NKAIN3: variants seen among roughly 807,000 people sequenced by gnomAD.
NKAIN3 encodes sodium/potassium transporting ATPase interacting 3.
NKAIN3 carries 25 observed loss-of-function variants against 30.2 expected under a neutral mutation model. That is an observed-to-expected ratio of 0.83 (90% CI 0.60 to 1.16). The LOEUF is 1.16. NKAIN3 is among the 50% of genes most tolerant of loss of function. The pLI is 0.00. For synonymous variants in NKAIN3, 91 were observed against 89.6 expected (o/e 1.02, Z -0.09); for missense variants, 225 against 254.1 (o/e 0.89, Z 0.78).
chr8:62,282,923 G>A (rs961784019), intron 1 of NKAIN3, among the ~76,000 whole-genome samples: 2 of 152,020 alleles, frequency 1.3e-5, no homozygotes, highest in African/African-American at 2.4e-5. Flanking sequence ...CACTAGATGC[G>A]CATTATAGTC....
chr8:62,456,209 A>G (rs993976396), intron 1 of NKAIN3, among the ~76,000 whole-genome samples: 18 of 152,232 alleles, frequency 1.2e-4, no homozygotes, highest in African/African-American at 4.1e-4. Context: ...AGCAGGAACT[A>G]CAGTACTAGA....
chr8:62,525,702 C>T (rs1171856821), intron 1 of NKAIN3, among the ~76,000 whole-genome samples: 1 of 152,114 alleles, frequency 6.6e-6, no homozygotes, highest in East Asian at 1.9e-4. Context: ...CTTATAAGAC[C>T]TTCACACTGG....
chr8:62,527,716 G>A (rs192810416), intron 1 of NKAIN3, among the ~76,000 whole-genome samples: 54 of 152,148 alleles, frequency 3.5e-4, no homozygotes, highest in Admixed American at 8.5e-4. Flanking sequence ...ATCCAATCAG[G>A]ACCCAGTAAT....
chr8:62,452,164 C>T (rs1373431824), intron 1 of NKAIN3, among the ~76,000 whole-genome samples: 2 of 152,038 alleles, frequency 1.3e-5, no homozygotes, highest in Admixed American at 1.3e-4. Flanking sequence ...CCAAAAGTGT[C>T]CAAGTTTCCC....
At chr8:62,375,018 C>A (rs549889341) in intron 1 of NKAIN3, among the ~76,000 whole-genome samples, 7 of 152,304 alleles carry the variant, frequency 4.6e-5, no homozygotes, top group Middle Eastern at 3.4e-3. Flanking sequence ...TGTGTAAATG[C>A]TCTGTTCCCC....
intron 1 of NKAIN3, among the ~76,000 whole-genome samples, chr8:62,498,952 A>G (rs755189724): frequency 3.3e-5 from 5 of 152,168 alleles, no homozygotes; most frequent in African/African-American, 1.2e-4. Flanking sequence ...ATATCTGATA[A>G]GAGTATCAAG....
intron 5 of NKAIN3, among the ~76,000 whole-genome samples, chr8:62,923,279 C>T (rs113471686): frequency 6.6e-6 from 1 of 151,778 alleles, no homozygotes; most frequent in Non-Finnish European, 1.5e-5. Context: ...GAGCTGAGAT[C>T]CTGCCACTGC....
intron 4 of NKAIN3, among the ~76,000 whole-genome samples, chr8:62,772,166 G>T (rs1296067923): frequency 1.3e-5 from 2 of 152,070 alleles, no homozygotes; most frequent in Non-Finnish European, 2.9e-5. Flanking sequence ...TGCAAAGTTT[G>T]TCTTCCTGTG....
intron 3 of NKAIN3, among the ~76,000 whole-genome samples, chr8:62,730,538 C>T (rs1815432022): frequency 6.6e-6 from 1 of 151,990 alleles, no homozygotes; most frequent in African/African-American, 2.4e-5. Flanking sequence ...TATTACTTGC[C>T]ATGAAAAAGA....
At chr8:62,856,570 G>C in intron 4 of NKAIN3, 1 of 784,592 alleles carries the variant, frequency 1.3e-6, no homozygotes, top group South Asian at 1.3e-5. Context: ...ATTGCCATGG[G>C]GTTGTCTTCA....
chr8:62,378,667 C>G (rs944755135), intron 1 of NKAIN3, among the ~76,000 whole-genome samples: 1 of 152,164 alleles, frequency 6.6e-6, no homozygotes, highest in Admixed American at 6.5e-5. Flanking sequence ...TTCCACGTAG[C>G]GTTGGTCCTG....
At chr8:62,863,383 A>G (rs1820315339) in intron 4 of NKAIN3, 4 of 1,545,832 alleles carry the variant, frequency 2.6e-6, no homozygotes, top group African/African-American at 1.4e-5. Flanking sequence ...TGCATCATCC[A>G]TACACATCAA....
At chr8:62,870,019 G>T (rs1434053776) in intron 4 of NKAIN3, among the ~76,000 whole-genome samples, 1 of 150,912 alleles carries the variant, frequency 6.6e-6, no homozygotes, top group African/African-American at 2.4e-5. Flanking sequence ...ATCCACCCGC[G>T]TCGGCCTCCC....
At chr8:62,310,910 C>G (rs1162627698) in intron 1 of NKAIN3, among the ~76,000 whole-genome samples, 1 of 150,404 alleles carries the variant, frequency 6.6e-6, no homozygotes, top group African/African-American at 2.5e-5. Context: ...CCTCTTCAGA[C>G]TTGGAGAACC....
At chr8:62,461,032 C>T (rs1299868378) in intron 1 of NKAIN3, among the ~76,000 whole-genome samples, 2 of 152,194 alleles carry the variant, frequency 1.3e-5, no homozygotes, top group African/African-American at 4.8e-5. Flanking sequence ...TGTGCCTGCT[C>T]AGGGAAAACC....
At position 62,969,701 on chromosome 8, in the gene NKAIN3, C is replaced by T. The variant is rs577407715; in HGVS notation, c.*4294C>T. On this transcript the variant is annotated 3_prime_UTR_variant, in exon 7 of 7. Transcript: ENST00000623646. ...AATAATTGCTCTTTTAAAACTATAA[C>T]AACTTGAATGCCTGCGGTTTTATTT... Among the ~76,000 whole-genome samples the T allele has an allele frequency of 6.6e-6, 1 of 152,230 alleles. No individual in the cohort carries two copies. Among genetic ancestry groups the T allele is most frequent in the African/African-American group, 2.4e-5 (1 of 41,544 alleles).
chr8:62,547,171 T>C (rs2129918120), intron 1 of NKAIN3, among the ~76,000 whole-genome samples: 1 of 152,222 alleles, frequency 6.6e-6, no homozygotes, highest in Middle Eastern at 3.4e-3. Flanking sequence ...GACTTGAGAG[T>C]GTCTCTAGTG....
At chr8:62,294,553 ACTC>A (rs1038404239) in intron 1 of NKAIN3, among the ~76,000 whole-genome samples, 1 of 151,852 alleles carries the variant, frequency 6.6e-6, no homozygotes, top group African/African-American at 2.4e-5. Context: ...ACTCTTAAAT[ACTC>A]CTATTTTTTG....
intron 4 of NKAIN3, among the ~76,000 whole-genome samples, chr8:62,896,245 C>A (rs1821424684): frequency 6.6e-6 from 1 of 152,068 alleles, no homozygotes; most frequent in Non-Finnish European, 1.5e-5. Context: ...AGACCAGGCT[C>A]TCTCCTGTCT....
Sources: gnomAD v4.1 joint callset for allele counts (sites outside exome capture counted in the v4.1 genomes callset) on GRCh38, gnomAD v4.1.1 for gene constraint, MANE v1.5 for transcripts, NCBI Gene and HGNC (gene_info 2026-07-23, HGNC 2026-07-21) for gene names.